RXFP1: variants seen among roughly 807,000 people sequenced by gnomAD.
RXFP1 encodes relaxin receptor 1.
Under a neutral mutation model 89.8 loss-of-function variants are expected in RXFP1, and 73 were observed. The observed-to-expected ratio is 0.81, with a 90% CI of 0.67 to 0.99. RXFP1 has a LOEUF of 0.99. Among genes scored for constraint, RXFP1 ranks in the 50% least tolerant of loss-of-function variants. RXFP1 has a pLI of 0.00. For missense variants in RXFP1, 793 were observed against 895.5 expected, an observed-to-expected ratio of 0.89 and a Z score of 1.46; for synonymous variants, 277 against 305.5, an observed-to-expected ratio of 0.91 and a Z score of 0.97.
intron 2 of RXFP1, among the ~76,000 whole-genome samples, chr4:158,576,770 T>C (rs2150011756): frequency 6.6e-6 from 1 of 152,234 alleles, no homozygotes; most frequent in East Asian, 1.9e-4. Flanking sequence ...AAAAAATTAA[T>C]TCCGTTCAAA....
At chr4:158,628,466 T>C (rs141079367) in intron 10 of RXFP1, among the ~76,000 whole-genome samples, 172 bp from the exon 11 acceptor site, 106 of 152,330 alleles carry the variant, frequency 7.0e-4, no homozygotes, top group African/African-American at 2.5e-3. Flanking sequence ...TCAAAACATT[T>C]GAGAAATTTA....
At chr4:158,600,679 T>C (rs1761512866) in intron 4 of RXFP1, among the ~76,000 whole-genome samples, 1 of 151,774 alleles carries the variant, frequency 6.6e-6, no homozygotes, top group Non-Finnish European at 1.5e-5. Context: ...AAAATAAAAA[T>C]TAGCCAGGTA....
intron 1 of RXFP1, among the ~76,000 whole-genome samples, chr4:158,530,849 A>C (rs935009984): frequency 2.0e-5 from 3 of 152,206 alleles, no homozygotes; most frequent in African/African-American, 7.2e-5. Context: ...ATTCGTCTTC[A>C]GTGGTGATCC....
chr4:158,631,232 G>T (rs1407328772), intron 11 of RXFP1, among the ~76,000 whole-genome samples: 2 of 152,188 alleles, frequency 1.3e-5, no homozygotes, highest in African/African-American at 2.4e-5. Context: ...TAATATCCCA[G>T]TGCACCATTT....
At chr4:158,599,463 G>GGTGCTACCCAGCTGT in intron 4 of RXFP1, 32 bp downstream of exon 4, 1 of 1,559,086 alleles carries the variant, frequency 6.4e-7, no homozygotes, top group Non-Finnish European at 8.8e-7. Context: ...CATCCTGACA[G>GGTGCTACCCAGCTGT]CTGGGTAGCA....
At chr4:158,562,548 A>AAAAAAAAT (rs1752705656) in intron 1 of RXFP1, among the ~76,000 whole-genome samples, 1 of 148,664 alleles carries the variant, frequency 6.7e-6, no homozygotes, top group Non-Finnish European at 1.5e-5. Flanking sequence ...AAAAAAAAAA[A>AAAAAAAAT]AAATACACAT....
At chr4:158,553,153 C>T (rs761218153) in intron 1 of RXFP1, among the ~76,000 whole-genome samples, 42 of 152,152 alleles carry the variant, frequency 2.8e-4, no homozygotes, top group Non-Finnish European at 1.3e-4. Context: ...CATGCCACTG[C>T]ACTCCAGCCT....
chr4:158,552,619 G>A (rs1055154635), intron 1 of RXFP1, among the ~76,000 whole-genome samples: 3 of 152,170 alleles, frequency 2.0e-5, no homozygotes, highest in Non-Finnish European at 2.9e-5. Flanking sequence ...GCCACAGCAG[G>A]TTCAAGTTAC....
At chr4:158,579,926 A>G (rs554056131) in intron 2 of RXFP1, among the ~76,000 whole-genome samples, 1 of 152,324 alleles carries the variant, frequency 6.6e-6, no homozygotes, top group African/African-American at 2.4e-5. Context: ...GTATGGCTAC[A>G]AGAGACACCA....
chr4:158,592,851 G>A (rs978198905), intron 2 of RXFP1, among the ~76,000 whole-genome samples: 4 of 152,048 alleles, frequency 2.6e-5, no homozygotes, highest in Admixed American at 1.3e-4. Flanking sequence ...AACACTTTGG[G>A]GGGCCGAGGC....
chr4:158,603,090 C>A (rs931518681), intron 4 of RXFP1, among the ~76,000 whole-genome samples: 7 of 151,960 alleles, frequency 4.6e-5, no homozygotes, highest in Non-Finnish European at 8.8e-5. Context: ...ACCACCATGC[C>A]CAGCTAATTT....
intron 2 of RXFP1, 111 bp from the exon 3 acceptor site, chr4:158,593,290 G>A (rs190934075): frequency 2.4e-3 from 1,149 of 484,460 alleles, no homozygotes; most frequent in Middle Eastern, 7.7e-3. Context: ...TGTTTATCTC[G>A]CTACATTTGG....
At chr4:158,596,461 C>T (rs534022838) in intron 3 of RXFP1, among the ~76,000 whole-genome samples, 41 of 152,088 alleles carry the variant, frequency 2.7e-4, no homozygotes, top group African/African-American at 8.9e-4. Flanking sequence ...GATTTCTCCA[C>T]GTTGGTCAGG....
intron 2 of RXFP1, among the ~76,000 whole-genome samples, chr4:158,591,654 G>T (rs922004324): frequency 5.9e-5 from 9 of 152,036 alleles, no homozygotes; most frequent in Non-Finnish European, 1.3e-4. Flanking sequence ...GAGCCTGAGG[G>T]AGGAGGATCA....
At chr4:158,552,004 A>T (rs1461797027) in intron 1 of RXFP1, among the ~76,000 whole-genome samples, 1 of 152,218 alleles carries the variant, frequency 6.6e-6, no homozygotes, top group Non-Finnish European at 1.5e-5. Context: ...ACAGAAAAGT[A>T]TATTGAGACC....
intron 1 of RXFP1, among the ~76,000 whole-genome samples, chr4:158,558,005 AG>A (rs1348710406): frequency 6.6e-6 from 1 of 152,230 alleles, no homozygotes; most frequent in Non-Finnish European, 1.5e-5. Context: ...TTGATCAGAA[AG>A]CCTTCAAAAC....
chr4:158,523,584 TG>T (rs1269268656), intron 1 of RXFP1, among the ~76,000 whole-genome samples: 1 of 152,206 alleles, frequency 6.6e-6, no homozygotes, highest in Non-Finnish European at 1.5e-5. Flanking sequence ...GGGAGTGTAG[TG>T]TAAGTTGAGA....
intron 2 of RXFP1, among the ~76,000 whole-genome samples, chr4:158,588,174 A>G (rs980939706): frequency 2.6e-5 from 4 of 152,096 alleles, no homozygotes; most frequent in African/African-American, 9.7e-5. Context: ...TTTTTTAGGC[A>G]ACCACAAAAT....
At chr4:158,609,973 G>GT (rs1240851643) in intron 6 of RXFP1, among the ~76,000 whole-genome samples, 1 of 152,182 alleles carries the variant, frequency 6.6e-6, no homozygotes, top group African/African-American at 2.4e-5. Flanking sequence ...GTTGTTGAGT[G>GT]TTAAAGATGC....
Sources: allele counts gnomAD v4.1 joint callset (sites outside exome capture counted in the v4.1 genomes callset), GRCh38; gene constraint gnomAD v4.1.1; transcripts MANE v1.5; gene names NCBI Gene and HGNC (gene_info 2026-07-23, HGNC 2026-07-21).